The following GLRA3 variants were observed in gnomAD, a reference collection of about 807,000 sequenced individuals.
GLRA3 encodes glycine receptor subunit alpha-3.
A neutral mutation model predicts 60.4 loss-of-function variants in GLRA3; 44 were observed. That is an observed-to-expected ratio of 0.73 (90% CI 0.57 to 0.94). The LOEUF (loss-of-function observed/expected upper bound fraction) is 0.94. Ranked by LOEUF, GLRA3 falls within the 40% of genes least tolerant of loss-of-function variation. The probability of loss-of-function intolerance (pLI) is 0.00; values close to 1 mark genes in which losing one functional copy is unlikely to be tolerated. For synonymous variants in GLRA3, 223 were observed against 192.9 expected (o/e 1.16, Z -1.29); for missense variants, 508 against 564.6 (o/e 0.90, Z 1.02).
At chr4:174,803,840 G>T (rs1739919807) in intron 1 of GLRA3, among the ~76,000 whole-genome samples, 1 of 152,116 alleles carries the variant, frequency 6.6e-6, no homozygotes, top group Non-Finnish European at 1.5e-5. Context: ...ATAAAATTAA[G>T]AATCTGATTG....
chr4:174,676,386 A>C (rs1201441526), intron 7 of GLRA3, among the ~76,000 whole-genome samples: 1 of 152,144 alleles, frequency 6.6e-6, no homozygotes, highest in East Asian at 1.9e-4. Flanking sequence ...CTCTGATAAA[A>C]TACTTGTAGT....
intron 2 of GLRA3, among the ~76,000 whole-genome samples, chr4:174,788,049 G>A (rs1178662121): frequency 6.6e-6 from 1 of 151,710 alleles, no homozygotes; most frequent in African/African-American, 2.4e-5. Context: ...TGAATCCCAT[G>A]AAAAAAGTGT....
chr4:174,814,018 G>A (rs1256843087), intron 1 of GLRA3, among the ~76,000 whole-genome samples: 5 of 152,172 alleles, frequency 3.3e-5, no homozygotes, highest in Non-Finnish European at 7.3e-5. Context: ...GCTTCTGGGC[G>A]CTGGCAGGAG....
rs1335748757 is a variant in GLRA3 at position 174,637,059 on chromosome 4, AAAAC to A, written c.*6723_*6726del. 1 of 152,206 alleles carries A rather than the reference AAAAC, an allele frequency of 6.6e-6. No individual in the cohort carries two copies. Among genetic ancestry groups the A allele is most frequent in the Non-Finnish European group, 1.5e-5 (1 of 68,032 alleles). 9.4% of individuals were successfully genotyped at this position (152,206 alleles called of 1,614,324 possible). On this transcript the variant is annotated 3_prime_UTR_variant, in exon 10 of 10. Transcript: ENST00000274093. ...AATTGAACTAAATATAATATAATGA[AAAAC>A]AAGTTGATGAAATCGTGCATAAATT...
At position 174,641,083 on chromosome 4, in the gene GLRA3, A is replaced by G. The variant is rs1401736412; in HGVS notation, c.*2703T>C. 4 of 152,116 alleles carry G rather than the reference A, an allele frequency of 2.6e-5. No individual in the cohort carries two copies. The highest frequency in any genetic ancestry group is 2.1e-4 in the South Asian group (1 of 4,832). The allele number at this position is 152,116 out of a possible 1,614,324, so 9.4% of individuals were successfully genotyped here. On this transcript the variant is annotated 3_prime_UTR_variant, in exon 10 of 10. Transcript: ENST00000274093. ...AAGATAGCCTATAAATTCATATGCT[A>G]TGGAATCAAATATTTCAATGATTGA... is the stretch of plus-strand genomic sequence containing the variant.
chr4:174,800,741 G>T (rs1459724484), intron 1 of GLRA3, among the ~76,000 whole-genome samples: 1 of 151,994 alleles, frequency 6.6e-6, no homozygotes, highest in Admixed American at 6.6e-5. Flanking sequence ...AGCTTATGAT[G>T]ATTTGACTTA....
intron 7 of GLRA3, among the ~76,000 whole-genome samples, chr4:174,671,334 G>A (rs935767846): frequency 2.0e-5 from 3 of 151,970 alleles, no homozygotes; most frequent in African/African-American, 7.2e-5. Context: ...TAGCTCTCCT[G>A]ACCCCATTAC....
intron 7 of GLRA3, among the ~76,000 whole-genome samples, chr4:174,663,931 C>T (rs1445204009): frequency 6.6e-6 from 1 of 152,164 alleles, no homozygotes; most frequent in East Asian, 1.9e-4. Flanking sequence ...TGGAAGAATG[C>T]CTCCTCGGTA....
chr4:174,668,605 A>G (rs1036667096), intron 7 of GLRA3, among the ~76,000 whole-genome samples: 10 of 152,198 alleles, frequency 6.6e-5, no homozygotes, highest in African/African-American at 2.4e-4. Context: ...TATAACCCAG[A>G]TGACCATTAA....
rs1257531379 is a variant in GLRA3, at chr4:174,828,741, C to T, written c.71G>A (p.Ser24Asn). 6.3e-7 allele frequency: 1 copy of T among 1,599,964 alleles called. No homozygotes were observed. Among genetic ancestry groups the T allele is most frequent in the Non-Finnish European group, 8.6e-7 (1 of 1,167,098 alleles). The change falls in exon 1 of 10, where the codon AGT becomes AAT. Residue 24 changes from serine to asparagine, a missense_variant and splice_region_variant. Ser to Asn is a conservative substitution (Grantham distance 46). This residue lies in a region of GLRA3 where 329 missense variants were observed against 349.3 expected (regional missense o/e 0.94). Coordinates refer to ENST00000274093, the MANE Select transcript of GLRA3 (RefSeq NM_006529.4). ...GACTGTTAAATCCAAGCGAACTCACCTGAGTAACAGTGCTGCTTCCCAGAA... is the reference window on the plus strand; with the variant it reads ...GACTGTTAAATCCAAGCGAACTCACTTGAGTAACAGTGCTGCTTCCCAGAA... ...FYFWEAALLL[S>N]LVATKETDSA...
In GLRA3 at chr4:174,682,786, A is replaced by G; in HGVS notation, c.712+16T>C. 2 of 1,588,092 alleles carry G rather than the reference A, an allele frequency of 1.3e-6. No individual in the cohort carries two copies. Among genetic ancestry groups the G allele is most frequent in the Non-Finnish European group, 1.7e-6 (2 of 1,159,850 alleles). On this transcript the variant is annotated intron_variant, in intron 6 of 9. Coordinates refer to ENST00000274093, the MANE Select transcript of GLRA3 (RefSeq NM_006529.4). ...ACCACAAGTAGTAAGTGTAAAGAAC[A>G]CTACTCAACCCCTACCTGTATTGTA... is the stretch of plus-strand genomic sequence containing the variant.
chr4:174,679,970 G>A (rs1010172132), intron 6 of GLRA3, among the ~76,000 whole-genome samples: 8 of 152,038 alleles, frequency 5.3e-5, no homozygotes, highest in Admixed American at 3.9e-4. Flanking sequence ...ATACTTTATC[G>A]TACATTTCAA....
intron 1 of GLRA3, among the ~76,000 whole-genome samples, chr4:174,817,996 A>G (rs1322632401): frequency 6.6e-6 from 1 of 152,164 alleles, no homozygotes; most frequent in Non-Finnish European, 1.5e-5. Context: ...GATTTTGACC[A>G]TGTTAGTTTT....
At chr4:174,660,742 A>G (rs1269718491) in intron 7 of GLRA3, among the ~76,000 whole-genome samples, 2 of 152,222 alleles carry the variant, frequency 1.3e-5, no homozygotes, top group Non-Finnish European at 1.5e-5. Context: ...TTTATCAATT[A>G]GCATTCTACT....
intron 2 of GLRA3, among the ~76,000 whole-genome samples, 196 bp downstream of exon 2, chr4:174,788,620 C>T: frequency 7.4e-6 from 1 of 134,468 alleles, no homozygotes; most frequent in Non-Finnish European, 1.6e-5. Flanking sequence ...AAAGACATAG[C>T]TGGGCCAAAG....
intron 5 of GLRA3, among the ~76,000 whole-genome samples, chr4:174,695,257 G>A (rs1735003485): frequency 6.6e-6 from 1 of 151,888 alleles, no homozygotes; most frequent in South Asian, 2.1e-4. Flanking sequence ...GAATCATCTT[G>A]ATACTAAAAC....
intron 2 of GLRA3, among the ~76,000 whole-genome samples, chr4:174,785,359 A>C (rs988409512): frequency 1.3e-5 from 2 of 152,172 alleles, no homozygotes; most frequent in Non-Finnish European, 2.9e-5. Context: ...TTCTTTCAAT[A>C]TAAAGATACT....
chr4:174,679,747 T>A (rs1195569785), intron 6 of GLRA3, among the ~76,000 whole-genome samples: 1 of 152,158 alleles, frequency 6.6e-6, no homozygotes, highest in Non-Finnish European at 1.5e-5. Context: ...TAGAACTAGA[T>A]GAAATAAGCC....
intron 1 of GLRA3, among the ~76,000 whole-genome samples, chr4:174,790,842 A>G (rs962112130): frequency 4.7e-5 from 7 of 148,238 alleles, no homozygotes; most frequent in Admixed American, 1.3e-4. Context: ...AAAAAAAAAA[A>G]AAAAGAAAGA....
Sources: allele counts gnomAD v4.1 joint callset (sites outside exome capture counted in the v4.1 genomes callset), GRCh38; gene constraint gnomAD v4.1.1; regional missense constraint gnomAD v4.1.1; transcripts MANE v1.5; gene names NCBI Gene and HGNC (gene_info 2026-07-23, HGNC 2026-07-21).